Variants in DNAH2 observed in about 807,000 individuals in gnomAD.
The protein encoded by DNAH2 is axonemal beta dynein heavy chain 2.
Under a neutral mutation model 523.5 loss-of-function variants are expected in DNAH2, and 323 were observed. The ratio of observed to expected loss-of-function variants is 0.62; its 90% CI spans 0.56 to 0.68. The LOEUF is 0.68. DNAH2 is among the 30% of genes least tolerant of loss of function. The probability of loss-of-function intolerance (pLI) is 0.00; values close to 1 mark genes in which losing one functional copy is unlikely to be tolerated. For synonymous variants in DNAH2, 2,093 were observed against 2,177.4 expected, an observed-to-expected ratio of 0.96 and a Z score of 1.08; for missense variants, 4,907 against 5,701.5, an observed-to-expected ratio of 0.86 and a Z score of 4.49.
Position 7,780,184 on chromosome 17 carries a change from A to G in DNAH2, c.5750A>G (p.Glu1917Gly), listed in dbSNP as rs201279153. The G allele has an allele frequency of 6.2e-6, 10 of 1,613,892 alleles. No homozygotes were observed. In the African/African-American group the frequency reaches 1.1e-4, roughly 17 times the overall value. Residue 1917 changes from glutamate to glycine, a missense_variant, in exon 37 of 86, where the codon GAA (glutamate) becomes GGA (glycine). Glu to Gly is a moderately conservative substitution (Grantham distance 98). This residue lies in a region of DNAH2 where 2,806 missense variants were observed against 3,190.8 expected (regional missense o/e 0.88). Transcript: ENST00000572933. The surrounding 1 kb of genome is among the most constrained non-coding windows in gnomAD (Gnocchi z 4.4). ...PGYAGRTELP[E>G]NLKSMFRPIA... ...TATGCTGGCCGCACAGAGCTTCCCG[A>G]AAATCTTAAATCCATGTTCCGCCCA...
chr17:7,750,128 C>T (rs2151176184), intron 12 of DNAH2, among the ~76,000 whole-genome samples: 1 of 152,316 alleles, frequency 6.6e-6, no homozygotes, highest in East Asian at 1.9e-4. Flanking sequence ...AGGTGATCCA[C>T]ACACCTCAGC....
chr17:7,807,539 C>G lies in DNAH2; in HGVS notation c.9682C>G (p.Arg3228Gly). The stretch of plus-strand genomic sequence containing the variant: ...AATGAACGCTGCCTTGGCTCAGCTT[C>G]GGGAGAAGCAAGCCGCGCTCGCTGA... ...IRMNAALAQLREKQAALAEAQ... is the reference protein window; with the variant it reads ...IRMNAALAQLGEKQAALAEAQ... Residue 3228 changes from arginine (R) to glycine (G), a missense_variant, in exon 63 of 86, where the codon CGG becomes GGG. By Grantham distance (125) the Arg-to-Gly change is moderately radical. Around this residue, in one of 3 missense-constraint regions of DNAH2, gnomAD observed 1,851 missense variants for 2,139.4 expected, o/e 0.87. Coordinates refer to ENST00000572933, the MANE Select transcript of DNAH2 (RefSeq NM_020877.5). This position sits in a 1 kb window ranked among gnomAD's most constrained non-coding sequence, Gnocchi z 5.6. 6.2e-7 allele frequency: 1 copy of G among 1,613,194 alleles called. No homozygotes were observed. The highest frequency in any genetic ancestry group is 1.3e-5 in the African/African-American group (1 of 75,052).
Position 7,758,923 on chromosome 17 carries a change from G to A in DNAH2, c.2247G>A (p.Leu749=), listed in dbSNP as rs752495957. 2.6e-5 allele frequency: 42 copies of A among 1,614,168 alleles called. No individual in the cohort carries two copies. Among genetic ancestry groups the A allele is most frequent in the Non-Finnish European group, 3.4e-5 (40 of 1,180,036 alleles). ...MIVNEFKAST[L]TIGWRAQEMS... is the part of the protein sequence containing the mutation. ...TGAATGAGTTCAAGGCATCCACTCT[G>A]ACCATTGGCTGGCGAGCCCAAGAGA... Residue 749 remains leucine, a synonymous_variant, in exon 15 of 86, where the codon CTG becomes CTA. Coordinates refer to ENST00000572933, the MANE Select transcript of DNAH2 (RefSeq NM_020877.5).
rs540477272 is a variant in DNAH2, at chr17:7,759,508, A to G, written c.2535A>G (p.Leu845=). ...GCCTGAATGTGAAGTGGTCACTGCT[A>G]GAACTATCCAAGGCTATCAACGGGG... ...ALRLNVKWSL[L]ELSKAINGDG... is the part of the protein sequence containing the mutation. Residue 845 remains leucine, a synonymous_variant, in exon 16 of 86, where the codon CTA becomes CTG. Coordinates refer to ENST00000572933, the MANE Select transcript of DNAH2 (RefSeq NM_020877.5). 2 of 1,614,204 alleles carry G rather than the reference A, an allele frequency of 1.2e-6. No individual in the cohort carries two copies. Among genetic ancestry groups the G allele is most frequent in the Admixed American group, 3.3e-5 (2 of 60,004 alleles).
At chr17:7,739,144 G>C (rs886241364) in intron 8 of DNAH2, 191 of 576,452 alleles carry the variant, frequency 3.3e-4, no homozygotes, top group East Asian at 1.9e-3. Context: ...GGTGGCTCAC[G>C]CCTGTAATCC....
chr17:7,756,979 A>G (rs2075858924), intron 12 of DNAH2, 112 bp from the exon 13 acceptor site: 2 of 1,497,322 alleles, frequency 1.3e-6, no homozygotes, highest in Admixed American at 1.8e-5. Flanking sequence ...CCTCTGCTTC[A>G]TTTCTCATCT....
chr17:7,796,799 A>G, intron 50 of DNAH2, 147 bp downstream of exon 50: 1 of 976,936 alleles, frequency 1.0e-6, no homozygotes, highest in Non-Finnish European at 1.5e-6. Flanking sequence ...CTTACCTTTA[A>G]AACTTCTGGG....
In DNAH2 at chr17:7,799,127, G is replaced by A; in HGVS notation, c.8584G>A (p.Ala2862Thr). ...GATCCAGTCGCATATCATAGACCAG[G>A]CCCGGGTGGAGCAGGTGCCTGAGTC... ...EEIQSHIIDQ[A>T]RVEQVPESSD... Residue 2862 changes from alanine (A) to threonine (T), a missense_variant, in exon 56 of 86, where the codon GCC becomes ACC. This residue lies in a region of DNAH2 where 1,851 missense variants were observed against 2,139.4 expected (regional missense o/e 0.87). Transcript: ENST00000572933. 6.2e-7 allele frequency: 1 copy of A among 1,614,144 alleles called. No individual in the cohort carries two copies. The highest frequency in any genetic ancestry group is 2.2e-5 in the East Asian group (1 of 44,882).
chr17:7,748,518 C>G (rs926130821), intron 12 of DNAH2, among the ~76,000 whole-genome samples: 1 of 152,162 alleles, frequency 6.6e-6, no homozygotes, highest in African/African-American at 2.4e-5. Flanking sequence ...TTTTTTGAGA[C>G]AAGGTCTCAC....
chr17:7,750,564 CTTG>C (rs1308706232), intron 12 of DNAH2, among the ~76,000 whole-genome samples: 4 of 152,054 alleles, frequency 2.6e-5, no homozygotes, highest in African/African-American at 4.8e-5. Context: ...CTGCCCTCTG[CTTG>C]TTGTACATTT....
At chr17:7,800,018 G>A (rs1233359914) in intron 56 of DNAH2, among the ~76,000 whole-genome samples, 1 of 152,176 alleles carries the variant, frequency 6.6e-6, no homozygotes, top group Non-Finnish European at 1.5e-5. Context: ...GACATCAGAT[G>A]CCTCACATAG....
At position 7,740,483 on chromosome 17, in the gene DNAH2, G is replaced by A; in HGVS notation, c.1440G>A (p.Glu480=). The A allele has an allele frequency of 2.5e-6, 4 of 1,614,200 alleles. No homozygotes were observed. The highest frequency in any genetic ancestry group is 1.7e-5 in the Admixed American group (1 of 60,030). ...AGAACCTGATCACCTCAGCCTTCGA[G>A]TTGGTGCGGGACGTGCCGCACGGCG... ...MTQNLITSAF[E]LVRDVPHGVL... Residue 480 remains glutamate (E), a synonymous_variant, in exon 10 of 86, where the codon GAG becomes GAA. Coordinates refer to ENST00000572933, the MANE Select transcript of DNAH2 (RefSeq NM_020877.5).
rs867709885 is a variant in DNAH2, at chr17:7,777,529, G to T, written c.5142G>T (p.Thr1714=). ...GGCTTAAAATTGTGGCTCTGGTGAC[G>T]ATAGAAATTCATGCCCGGGATGTGT... ...IMRLKIVALV[T]IEIHARDVLE... The change falls in exon 33 of 86, where the codon ACG becomes ACT. Residue 1714 remains threonine, a synonymous_variant. Coordinates refer to ENST00000572933, the MANE Select transcript of DNAH2 (RefSeq NM_020877.5). The T allele has an allele frequency of 6.2e-7, 1 of 1,614,046 alleles. No homozygotes were observed. Among genetic ancestry groups the T allele is most frequent in the Non-Finnish European group, 8.5e-7 (1 of 1,180,036 alleles).
intron 72 of DNAH2, among the ~76,000 whole-genome samples, chr17:7,819,828 C>T (rs1261704276): frequency 6.6e-6 from 1 of 152,172 alleles, no homozygotes; most frequent in Non-Finnish European, 1.5e-5. Flanking sequence ...ACTTCTCTAC[C>T]CTGACATCCC....
At chr17:7,785,323 G>A (rs910564309) in intron 39 of DNAH2, among the ~76,000 whole-genome samples, 2 of 152,098 alleles carry the variant, frequency 1.3e-5, no homozygotes, top group Admixed American at 6.6e-5. Flanking sequence ...GGCTGGTCTC[G>A]AACTCCTGAC....
chr17:7,833,560 G>T lies in DNAH2; in HGVS notation c.*27G>T. 1 of 1,610,932 alleles carries T rather than the reference G, an allele frequency of 6.2e-7. No individual in the cohort carries two copies. ...ACCTCCTCCTCTTCTCCGCTTGAGA[G>T]AGAGGGTCAGGGACTCCAGGAGCTA... On this transcript the variant is annotated 3_prime_UTR_variant, in exon 86 of 86. Coordinates refer to ENST00000572933, the MANE Select transcript of DNAH2 (RefSeq NM_020877.5).
At position 7,828,699 on chromosome 17, in the gene DNAH2, C is replaced by T. The variant is rs1206795855; in HGVS notation, c.11854-1601C>T. Among the ~76,000 whole-genome samples, 3 of 152,074 alleles carry T rather than the reference C, an allele frequency of 2.0e-5. No individual in the cohort carries two copies. Among genetic ancestry groups the T allele is most frequent in the South Asian group, 2.1e-4 (1 of 4,830 alleles). ...GCTCAAGTGATCCTCCCATCTTGGC[C>T]TCCCAAAGTGCTGAGATTACAGGTG... On this transcript the variant is annotated intron_variant, in intron 77 of 85. Transcript: ENST00000572933. This position sits in a 1 kb window ranked among gnomAD's most constrained non-coding sequence, Gnocchi z 4.1.
intron 11 of DNAH2, 123 bp from the exon 12 acceptor site, chr17:7,742,805 A>G: frequency 1.7e-6 from 1 of 573,028 alleles, no homozygotes. Context: ...CCATCTCCAT[A>G]GCAAGCCTTA....
Position 7,733,319 on chromosome 17 carries a change from A to G in DNAH2, c.628+4A>G. ...AAGTTCTTGGCCTGCCTGACAGGTAAGTGGGAAGACCGGAGTGACTAGTTT... is the reference window on the plus strand; with the variant it reads ...AAGTTCTTGGCCTGCCTGACAGGTAGGTGGGAAGACCGGAGTGACTAGTTT... On this transcript the variant is annotated splice_donor_region_variant and intron_variant, in intron 5 of 85. Transcript: ENST00000572933. The G allele has an allele frequency of 6.2e-7, 1 of 1,613,800 alleles. No homozygotes were observed. Among genetic ancestry groups the G allele is most frequent in the Non-Finnish European group, 8.5e-7 (1 of 1,179,990 alleles).
Sources: gnomAD v4.1 joint callset for allele counts (sites outside exome capture counted in the v4.1 genomes callset) on GRCh38, gnomAD v4.1.1 for gene constraint, gnomAD v4.1.1 regional missense constraint, Gnocchi (gnomAD v3.1) non-coding constraint, MANE v1.5 for transcripts, NCBI Gene and HGNC (gene_info 2026-07-23, HGNC 2026-07-21) for gene names.